TESPA1: variants seen among roughly 807,000 people sequenced by gnomAD.
The protein encoded by TESPA1 is protein TESPA1.
Under a neutral mutation model 57.9 loss-of-function variants are expected in TESPA1, and 33 were observed. The observed-to-expected ratio is 0.57, with a 90% CI of 0.43 to 0.76. The LOEUF (loss-of-function observed/expected upper bound fraction) is 0.76, where lower values mean the gene tolerates loss of function less well. Ranked by LOEUF, TESPA1 falls within the 30% of genes least tolerant of loss-of-function variation. TESPA1 has a pLI of 0.00. For missense variants in TESPA1, 618 were observed against 632.9 expected, an observed-to-expected ratio of 0.98 and a Z score of 0.25; for synonymous variants, 227 against 228.9, an observed-to-expected ratio of 0.99 and a Z score of 0.07.
At position 54,950,218 on chromosome 12, in the gene TESPA1, C is replaced by T; in HGVS notation, c.*174G>A. Reference sequence around the variant, plus strand: ...TGGATTCCAAATCGCTCAGTCTGGTCTTCCTCCCCATGTACCATGCTGCCT... The same window carrying T: ...TGGATTCCAAATCGCTCAGTCTGGTTTTCCTCCCCATGTACCATGCTGCCT... On this transcript the variant is annotated 3_prime_UTR_variant, in exon 11 of 11. Transcript: ENST00000449076. The T allele has an allele frequency of 2.2e-6, 1 of 455,146 alleles. No individual in the cohort carries two copies. Among genetic ancestry groups the T allele is most frequent in the Non-Finnish European group, 4.4e-6 (1 of 226,710 alleles). The allele number at this position is 455,146 out of a possible 1,614,324, so 28.2% of individuals were successfully genotyped here.
chr12:54,967,091 C>A, intron 5 of TESPA1, 92 bp downstream of exon 5: 1 of 1,445,576 alleles, frequency 6.9e-7, no homozygotes. Context: ...TGGGCTGTTT[C>A]TTTCTGAAGT....
chr12:54,981,893 A>T (rs1952336584), intron 1 of TESPA1: 1 of 152,220 alleles, frequency 6.6e-6, no homozygotes, highest in African/African-American at 2.4e-5. Context: ...GACATGTATG[A>T]GACAGACCTC....
chr12:54,976,998 G>C (rs7314905), intron 1 of TESPA1, among the ~76,000 whole-genome samples: 52,164 of 151,456 alleles, frequency 0.34, 11,407 homozygotes, highest in East Asian at 0.89. Context: ...CTTAACCAGC[G>C]TCCTCCATGG....
At position 54,966,054 on chromosome 12, in the gene TESPA1, T is replaced by C. The variant is rs774765042; in HGVS notation, c.445A>G (p.Ser149Gly). 1 of 1,568,706 alleles carries C rather than the reference T, an allele frequency of 6.4e-7. No individual in the cohort carries two copies. Among genetic ancestry groups the C allele is most frequent in the Non-Finnish European group, 8.7e-7 (1 of 1,155,638 alleles). Residue 149 changes from serine (S) to glycine (G), a missense_variant and splice_region_variant, in exon 7 of 11, where the codon AGC becomes GGC. Physicochemically the swap from Ser to Gly is moderately conservative, Grantham distance 56 (BLOSUM62 0). Coordinates refer to ENST00000449076, the MANE Select transcript of TESPA1 (RefSeq NM_001136030.3). ...MTGGTNKTSS[S>G]ISEILDKVQE... ...ACCCTGCCAAACTTCAGTACCTACC[T>C]TGAACTAGTCTTGTTGGTCCCCCCA...
At chr12:54,972,632 A>G (rs144554991) in intron 3 of TESPA1, among the ~76,000 whole-genome samples, 1 of 152,352 alleles carries the variant, frequency 6.6e-6, no homozygotes, top group African/African-American at 2.4e-5. Flanking sequence ...TTTTCAAACA[A>G]CAAAACAAAC....
chr12:54,978,256 T>C (rs1952202699), intron 1 of TESPA1, among the ~76,000 whole-genome samples: 1 of 152,150 alleles, frequency 6.6e-6, no homozygotes, highest in South Asian at 2.1e-4. Context: ...AAAAGAAAAC[T>C]GACTAGAAAT....
intron 10 of TESPA1, among the ~76,000 whole-genome samples, chr12:54,955,406 A>G (rs2253412): frequency 0.56 from 84,591 of 152,060 alleles, 25,310 homozygotes; most frequent in Non-Finnish European, 0.68. Flanking sequence ...GTGGGCATCT[A>G]ACTTAAGCAC....
chr12:54,960,044 G>C (rs1394444067), intron 10 of TESPA1, among the ~76,000 whole-genome samples: 1 of 152,124 alleles, frequency 6.6e-6, no homozygotes, highest in Non-Finnish European at 1.5e-5. Context: ...AAGTACCACT[G>C]AAATTTTGGA....
At chr12:54,973,077 A>G (rs1008045271) in intron 3 of TESPA1, among the ~76,000 whole-genome samples, 7 of 152,350 alleles carry the variant, frequency 4.6e-5, no homozygotes, top group Admixed American at 3.9e-4. Flanking sequence ...AGTAGAAATA[A>G]ATAACACAGA....
intron 1 of TESPA1, among the ~76,000 whole-genome samples, chr12:54,977,643 G>A (rs747401753): frequency 8.5e-5 from 13 of 152,150 alleles, no homozygotes; most frequent in Admixed American, 3.3e-4. Flanking sequence ...GGCAATTGCA[G>A]GTATGACAAT....
At chr12:54,983,759 A>G (rs139446641) in intron 1 of TESPA1, among the ~76,000 whole-genome samples, 417 of 152,256 alleles carry the variant, frequency 2.7e-3, no homozygotes, top group African/African-American at 8.5e-3. Context: ...GGAAAACCCC[A>G]GGGTGGAGGA....
Position 54,949,058 on chromosome 12 carries a change from C to A in TESPA1, c.*1334G>T, listed in dbSNP as rs909545743. 1 of 149,892 alleles carries A rather than the reference C, an allele frequency of 6.7e-6. No individual in the cohort carries two copies. The highest frequency in any genetic ancestry group is 1.5e-5 in the Non-Finnish European group (1 of 67,448). 9.3% of individuals were successfully genotyped at this position (149,892 alleles called of 1,614,324 possible). A position where few individuals can be genotyped will look rare whatever the true frequency, so the allele number is the denominator to read the frequency against. On this transcript the variant is annotated 3_prime_UTR_variant, in exon 11 of 11. Transcript: ENST00000449076. ...AGATAGTTCCCCTGTCTCCTGGTTT[C>A]TGTGGGTGGGAAGGGTAGGAAACTT... is the stretch of plus-strand genomic sequence containing the variant.
In TESPA1 at chr12:54,963,104, G is replaced by A. The variant is rs938614689; in HGVS notation, c.794C>T (p.Pro265Leu). 6.2e-7 allele frequency: 1 copy of A among 1,613,832 alleles called. No individual in the cohort carries two copies. The highest frequency in any genetic ancestry group is 8.5e-7 in the Non-Finnish European group (1 of 1,179,890). Reference sequence around the variant, plus strand: ...CTCTCGGGACAGAATCCTGATGGATGGCACATCAGTTGGATGGTTGCAATT... The same window carrying A: ...CTCTCGGGACAGAATCCTGATGGATAGCACATCAGTTGGATGGTTGCAATT... ...FWNCNHPTDV[P>L]SIRILSREPE... Residue 265 changes from proline to leucine, a missense_variant, in exon 9 of 11, where the codon CCA becomes CTA. Coordinates refer to ENST00000449076, the MANE Select transcript of TESPA1 (RefSeq NM_001136030.3).
At chr12:54,978,154 C>T (rs1401067906) in intron 1 of TESPA1, among the ~76,000 whole-genome samples, 6 of 151,858 alleles carry the variant, frequency 4.0e-5, no homozygotes, top group Non-Finnish European at 8.8e-5. Context: ...GTCTTGGGGC[C>T]CCTTGTAATA....
chr12:54,962,934 T>C lies in TESPA1; in HGVS notation c.964A>G (p.Lys322Glu). 6.2e-7 allele frequency: 1 copy of C among 1,613,820 alleles called. No individual in the cohort carries two copies. Among genetic ancestry groups the C allele is most frequent in the Non-Finnish European group, 8.5e-7 (1 of 1,179,854 alleles). Residue 322 changes from lysine (K) to glutamate (E), a missense_variant, in exon 9 of 11, where the codon AAA (lysine) becomes GAA (glutamate). Transcript: ENST00000449076. Reference protein sequence around the residue: ...LDQVVLEVMDKVKEEKQFLQQ... With the variant: ...LDQVVLEVMDEVKEEKQFLQQ... The stretch of plus-strand genomic sequence containing the variant: ...AGGAACTGCTTCTCTTCTTTCACTT[T>C]GTCCATCACTTCCAACACAACTTGG...
At position 54,962,799 on chromosome 12, in the gene TESPA1, C is replaced by G; in HGVS notation, c.1099G>C (p.Glu367Gln). Residue 367 changes from glutamate (E) to glutamine (Q), a missense_variant, in exon 9 of 11, where the codon GAA becomes CAA. By Grantham distance (29) the Glu-to-Gln change is conservative. Around this residue, in one of 3 missense-constraint regions of TESPA1, gnomAD observed 409 missense variants for 420.1 expected, o/e 0.97. Transcript: ENST00000449076. Reference protein sequence around the residue: ...PYPCVFCCEEETQQRMSTVLA... With the variant: ...PYPCVFCCEEQTQQRMSTVLA... ...ACTGTGGACATCCTCTGCTGTGTTT[C>G]CTCTTCACAGCAGAAGACACATGGA... 1 of 1,613,876 alleles carries G rather than the reference C, an allele frequency of 6.2e-7. No individual in the cohort carries two copies. The highest frequency in any genetic ancestry group is 8.5e-7 in the Non-Finnish European group (1 of 1,179,884).
chr12:54,962,881 G>A lies in TESPA1; in HGVS notation c.1017C>T (p.Phe339=). 1 of 1,613,756 alleles carries A rather than the reference G, an allele frequency of 6.2e-7. No homozygotes were observed. Among genetic ancestry groups the A allele is most frequent in the Non-Finnish European group, 8.5e-7 (1 of 1,179,746 alleles). Residue 339 remains phenylalanine, a synonymous_variant, in exon 9 of 11, where the codon TTC becomes TTT. Coordinates refer to ENST00000449076, the MANE Select transcript of TESPA1 (RefSeq NM_001136030.3). ...FLQQDSDLGQ[F]SQEDPVPPAE... is the part of the protein sequence containing the mutation. ...CAGGGGGCACAGGATCTTCCTGTGA[G>A]AATTGCCCCAAATCAGAGTCTTGCT...
At chr12:54,964,538 G>A (rs1209345706) in intron 7 of TESPA1, among the ~76,000 whole-genome samples, 1 of 152,178 alleles carries the variant, frequency 6.6e-6, no homozygotes, top group Non-Finnish European at 1.5e-5. Flanking sequence ...CTCTCTTTAT[G>A]GTATCAACCT....
At chr12:54,977,250 C>T (rs1299768998) in intron 1 of TESPA1, among the ~76,000 whole-genome samples, 2 of 152,154 alleles carry the variant, frequency 1.3e-5, no homozygotes, top group African/African-American at 2.4e-5. Context: ...AATGAATACT[C>T]ATTGTCTAAA....
Sources: allele counts gnomAD v4.1 joint callset (sites outside exome capture counted in the v4.1 genomes callset), GRCh38; gene constraint gnomAD v4.1.1; regional missense constraint gnomAD v4.1.1; transcripts MANE v1.5; gene names NCBI Gene and HGNC (gene_info 2026-07-23, HGNC 2026-07-21).